Variants in MCF2L2 observed in about 807,000 individuals in gnomAD.
MCF2L2 encodes probable guanine nucleotide exchange factor MCF2L2.
MCF2L2 carries 102 observed loss-of-function variants against 150.2 expected under a neutral mutation model. The observed-to-expected ratio is 0.68, with a 90% CI of 0.58 to 0.80. The LOEUF (loss-of-function observed/expected upper bound fraction) is 0.80. Among genes scored for constraint, MCF2L2 ranks in the 30% least tolerant of loss-of-function variants. The pLI, the probability that MCF2L2 is intolerant of heterozygous loss-of-function variation, is 0.00. For missense variants in MCF2L2, 1,256 were observed against 1,372.8 expected (o/e 0.91, Z 1.34); for synonymous variants, 465 against 491.3 (o/e 0.95, Z 0.71).
chr3:183,363,242 C>G (rs1712321725), intron 3 of MCF2L2, among the ~76,000 whole-genome samples: 1 of 152,182 alleles, frequency 6.6e-6, no homozygotes, highest in African/African-American at 2.4e-5. Flanking sequence ...CAGTTTCTCA[C>G]AAAACTACAC....
intron 14 of MCF2L2, among the ~76,000 whole-genome samples, chr3:183,286,357 C>A (rs1429557701): frequency 1.3e-5 from 2 of 152,084 alleles, no homozygotes; most frequent in African/African-American, 4.8e-5. Context: ...TCTTTGAGTT[C>A]TAGACCTAAG....
chr3:183,427,057 C>T (rs1310844638), intron 1 of MCF2L2, among the ~76,000 whole-genome samples: 1 of 152,198 alleles, frequency 6.6e-6, no homozygotes, highest in Non-Finnish European at 1.5e-5. Context: ...CATGGGAGGA[C>T]CTCCAAGCAC....
intron 15 of MCF2L2, among the ~76,000 whole-genome samples, chr3:183,266,996 G>A (rs540113840): frequency 2.6e-5 from 4 of 152,146 alleles, no homozygotes; most frequent in Admixed American, 2.6e-4. Flanking sequence ...CATGTTGCCA[G>A]GCTGGTCTCA....
intron 15 of MCF2L2, among the ~76,000 whole-genome samples, chr3:183,256,943 T>C (rs1725094826): frequency 6.6e-6 from 1 of 152,234 alleles, no homozygotes; most frequent in Non-Finnish European, 1.5e-5. Flanking sequence ...GTATTTGCGA[T>C]GTGTTAAATG....
chr3:183,248,945 G>A (rs1220090366), intron 15 of MCF2L2, among the ~76,000 whole-genome samples: 3 of 152,186 alleles, frequency 2.0e-5, no homozygotes, highest in Non-Finnish European at 4.4e-5. Context: ...TCGCCTCTGG[G>A]CCAGCCATGT....
chr3:183,265,303 G>C (rs976660777), intron 15 of MCF2L2: 2 of 152,260 alleles, frequency 1.3e-5, no homozygotes, highest in African/African-American at 4.8e-5. Context: ...AAAGGAAGCT[G>C]CACCCACAGC....
At chr3:183,302,451 C>G (rs7620173) in intron 10 of MCF2L2, among the ~76,000 whole-genome samples, 4,094 of 152,136 alleles carry the variant, frequency 0.027, 176 homozygotes, top group African/African-American at 0.093. Context: ...GCCAGTGTGG[C>G]TGCAGCAGAG....
intron 2 of MCF2L2, among the ~76,000 whole-genome samples, chr3:183,388,388 T>C (rs1713951998): frequency 6.6e-6 from 1 of 152,072 alleles, no homozygotes. Flanking sequence ...ACAGACCCCA[T>C]TCTGCCTTTT....
rs1394329188 is a variant in MCF2L2 at position 183,233,560 on chromosome 3, T to C, written c.1863-2543A>G. Among the ~76,000 whole-genome samples the C allele has an allele frequency of 2.0e-5, 3 of 152,112 alleles. No individual in the cohort carries two copies. The South Asian group carries it at 6.2e-4, about 31-fold the overall frequency. The stretch of plus-strand genomic sequence containing the variant: ...AAAACAAGACGTAGACAAGTAAGCA[T>C]AGTATGACTATTTGTGTAAAAAATG... On this transcript the variant is annotated intron_variant, in intron 15 of 29. Coordinates refer to ENST00000328913, the MANE Select transcript of MCF2L2 (RefSeq NM_015078.4).
intron 1 of MCF2L2, among the ~76,000 whole-genome samples, chr3:183,390,796 C>G (rs1714099818): frequency 6.6e-6 from 1 of 152,154 alleles, no homozygotes; most frequent in African/African-American, 2.4e-5. Flanking sequence ...ACTTGGGAGG[C>G]TGAGGCAGGA....
At chr3:183,196,487 C>T (rs1399286044) in intron 25 of MCF2L2, among the ~76,000 whole-genome samples, 2 of 152,106 alleles carry the variant, frequency 1.3e-5, no homozygotes, top group African/African-American at 4.8e-5. Context: ...ACCTGGGACA[C>T]CATCTTCTCA....
At chr3:183,303,344 G>C (rs1353071698) in intron 10 of MCF2L2, among the ~76,000 whole-genome samples, 2 of 152,144 alleles carry the variant, frequency 1.3e-5, no homozygotes, top group African/African-American at 4.8e-5. Context: ...TGCTTGGCTG[G>C]AACTCTGTGA....
chr3:183,393,982 G>C (rs75691857), intron 1 of MCF2L2, among the ~76,000 whole-genome samples: 3,133 of 152,224 alleles, frequency 0.021, 112 homozygotes, highest in African/African-American at 0.071. Context: ...GTCACACTAT[G>C]ATTTAAAAGA....
intron 3 of MCF2L2, chr3:183,378,367 C>G (rs1713316141): frequency 6.6e-6 from 1 of 152,322 alleles, no homozygotes; most frequent in African/African-American, 2.4e-5. Context: ...CTGCCCCGGT[C>G]TGTGAAATGG....
intron 10 of MCF2L2, among the ~76,000 whole-genome samples, chr3:183,308,482 CAT>C (rs1729210895): frequency 6.6e-6 from 1 of 152,158 alleles, no homozygotes; most frequent in African/African-American, 2.4e-5. Context: ...CCTGATGACT[CAT>C]GTGTCTTTAG....
intron 14 of MCF2L2, among the ~76,000 whole-genome samples, chr3:183,286,431 C>T (rs534625368): frequency 7.9e-5 from 12 of 152,308 alleles, no homozygotes; most frequent in Non-Finnish European, 1.8e-4. Context: ...CTGGCCATCT[C>T]TCTCGGACAG....
chr3:183,242,937 C>T lies in MCF2L2; in HGVS notation c.1863-11920G>A, dbSNP rs149966277. 3.1e-3 allele frequency among the ~76,000 whole-genome samples: 475 copies of T among 152,308 alleles called. 3 individuals are homozygous for T. The highest frequency in any genetic ancestry group is 0.011 in the African/African-American group (464 of 41,574). ...ACCCACCTCTTGAATCTCTATGAGA[C>T]ATGGAGTCAAAGGAGATTATTTTGG... On this transcript the variant is annotated intron_variant, in intron 15 of 29. Transcript: ENST00000328913.
intron 15 of MCF2L2, chr3:183,253,969 C>T (rs1724763796): frequency 6.6e-6 from 1 of 152,138 alleles, no homozygotes; most frequent in Admixed American, 6.5e-5. Flanking sequence ...CGTCTCCAGG[C>T]CACGGATGGT....
At chr3:183,203,126 T>C (rs1008857028) in intron 25 of MCF2L2, among the ~76,000 whole-genome samples, 1 of 152,102 alleles carries the variant, frequency 6.6e-6, no homozygotes, top group African/African-American at 2.4e-5. Flanking sequence ...GGCAGAAGAA[T>C]TGCTTGAACC....
Sources: gnomAD v4.1 joint callset for allele counts (sites outside exome capture counted in the v4.1 genomes callset) on GRCh38, gnomAD v4.1.1 for gene constraint, MANE v1.5 for transcripts, NCBI Gene and HGNC (gene_info 2026-07-23, HGNC 2026-07-21) for gene names.